CFAP299: variants seen among roughly 807,000 people sequenced by gnomAD.
The protein encoded by CFAP299 is cilia- and flagella-associated protein 299.
In CFAP299, 21 loss-of-function variants were observed where a neutral mutation model predicts 27.0. The observed-to-expected ratio is 0.78, with a 90% CI of 0.55 to 1.12. The LOEUF (loss-of-function observed/expected upper bound fraction) is 1.12. Among genes scored for constraint, CFAP299 ranks in the 50% most tolerant of loss-of-function variants. The pLI is 0.00. For synonymous variants in CFAP299, 104 were observed against 98.1 expected, an observed-to-expected ratio of 1.06 and a Z score of -0.36; for missense variants, 310 against 276.6, an observed-to-expected ratio of 1.12 and a Z score of -0.86.
intron 4 of CFAP299, among the ~76,000 whole-genome samples, chr4:80,875,355 T>C (rs1733315074): frequency 6.6e-6 from 1 of 152,194 alleles, no homozygotes; most frequent in Admixed American, 6.5e-5. Context: ...TGAAATTTTC[T>C]TTAAACTTAT....
chr4:80,772,375 C>G (rs1726269969), intron 3 of CFAP299, among the ~76,000 whole-genome samples: 2 of 152,068 alleles, frequency 1.3e-5, no homozygotes, highest in South Asian at 4.1e-4. Flanking sequence ...ATAGAGGACA[C>G]AGGAACATAA....
intron 3 of CFAP299, among the ~76,000 whole-genome samples, chr4:80,654,185 A>C (rs553046995): frequency 1.3e-5 from 2 of 152,258 alleles, no homozygotes; most frequent in African/African-American, 4.8e-5. Flanking sequence ...TACATTATTG[A>C]ATTCATGTTT....
chr4:80,959,017 G>A (rs570477166), intron 5 of CFAP299, among the ~76,000 whole-genome samples: 1 of 152,272 alleles, frequency 6.6e-6, no homozygotes, highest in Non-Finnish European at 1.5e-5. Flanking sequence ...ATTTTCAAAT[G>A]TGAGCAGTCT....
chr4:80,415,648 A>T (rs1211413046), intron 2 of CFAP299, among the ~76,000 whole-genome samples: 1 of 152,160 alleles, frequency 6.6e-6, no homozygotes, highest in Non-Finnish European at 1.5e-5. Context: ...ATTTGTTCCA[A>T]TTATTATAAT....
chr4:80,855,652 C>T (rs1035448163), intron 3 of CFAP299, among the ~76,000 whole-genome samples: 14 of 151,948 alleles, frequency 9.2e-5, no homozygotes, highest in African/African-American at 1.5e-4. Flanking sequence ...TGAGAATATG[C>T]GGTGTTTAGT....
intron 3 of CFAP299, among the ~76,000 whole-genome samples, chr4:80,614,149 A>G (rs1738149799): frequency 6.6e-6 from 1 of 152,128 alleles, no homozygotes; most frequent in East Asian, 1.9e-4. Context: ...TTTTCAAGTG[A>G]TATTTACTCC....
chr4:80,834,818 G>C (rs182210827), intron 3 of CFAP299, among the ~76,000 whole-genome samples: 67 of 152,250 alleles, frequency 4.4e-4, no homozygotes, highest in African/African-American at 1.5e-3. Flanking sequence ...CTTGGATGAA[G>C]GAGAGACTTG....
chr4:80,452,647 C>G (rs1438908110), intron 2 of CFAP299, among the ~76,000 whole-genome samples: 1 of 151,956 alleles, frequency 6.6e-6, no homozygotes, highest in African/African-American at 2.4e-5. Context: ...TCAAACCAAG[C>G]TGAATGAGAA....
chr4:80,956,134 T>C (rs1160779251), intron 5 of CFAP299, among the ~76,000 whole-genome samples: 1 of 152,230 alleles, frequency 6.6e-6, no homozygotes, highest in Non-Finnish European at 1.5e-5. Context: ...ACAAACAAGC[T>C]TCTGATTTTA....
rs529497399 is a variant in CFAP299 at position 80,585,813 on chromosome 4, T to C, written c.333+2630T>C. On this transcript the variant is annotated intron_variant, in intron 3 of 5. Transcript: ENST00000358105. ...AACAGTTCAGGCAATACATAATAGA[T>C]GCATAATAGAAGCCTGGGATAAATA... Among the ~76,000 whole-genome samples the C allele has an allele frequency of 1.1e-4, 17 of 152,194 alleles. No homozygotes were observed. The South Asian group carries it at 1.7e-3, about 15-fold the overall frequency.
chr4:80,545,396 A>G (rs965750478), intron 2 of CFAP299, among the ~76,000 whole-genome samples: 1 of 152,138 alleles, frequency 6.6e-6, no homozygotes, highest in African/African-American at 2.4e-5. Context: ...CATACAAAAG[A>G]TCAATGAAAC....
chr4:80,522,634 T>G (rs1732979721), intron 2 of CFAP299, among the ~76,000 whole-genome samples: 1 of 152,150 alleles, frequency 6.6e-6, no homozygotes, highest in African/African-American at 2.4e-5. Flanking sequence ...TAGTTTTAGA[T>G]CTTATGTTTG....
chr4:80,334,810 CTGAAA>C (rs1335445721), upstream of CFAP299, among the ~76,000 whole-genome samples: 1 of 152,106 alleles, frequency 6.6e-6, no homozygotes, highest in Non-Finnish European at 1.5e-5. Context: ...GGAAAGCTAA[CTGAAA>C]TGAAGTATCT....
At position 80,620,126 on chromosome 4, in the gene CFAP299, T is replaced by C. The variant is rs536248090; in HGVS notation, c.333+36943T>C. On this transcript the variant is annotated intron_variant, in intron 3 of 5. Coordinates refer to ENST00000358105, the MANE Select transcript of CFAP299 (RefSeq NM_152770.3). ...TAAATATTTTCATGAGTTAAATGTA[T>C]GGAAAGTGATGTGAAAATAATCCAT... Among the ~76,000 whole-genome samples the C allele has an allele frequency of 1.4e-4, 21 of 152,246 alleles. No homozygotes were observed. The South Asian group carries it at 2.5e-3, about 18-fold the overall frequency.
At position 80,512,221 on chromosome 4, in the gene CFAP299, A is replaced by AGTGTGTGTGT. The variant is rs3037370; in HGVS notation, c.243-70858_243-70849dup. Among the ~76,000 whole-genome samples, 564 of 148,584 alleles carry AGTGTGTGTGT rather than the reference A, an allele frequency of 3.8e-3. 5 individuals are homozygous for AGTGTGTGTGT. Among genetic ancestry groups the AGTGTGTGTGT allele is most frequent in the African/African-American group, 1.0e-2 (404 of 40,570 alleles). ...GTGATGGCAGGCACACATATTACAT[A>AGTGTGTGTGT]GTGTGTGTGTGTGTGTGTGTGTGCA... On this transcript the variant is annotated intron_variant, in intron 2 of 5. Transcript: ENST00000358105.
chr4:80,743,394 T>G (rs1724396384), intron 3 of CFAP299, among the ~76,000 whole-genome samples: 1 of 152,216 alleles, frequency 6.6e-6, no homozygotes, highest in South Asian at 2.1e-4. Context: ...TCAAATATGA[T>G]GTAACCACAT....
At chr4:80,854,842 A>G (rs13107075) in intron 3 of CFAP299, among the ~76,000 whole-genome samples, 10,463 of 135,394 alleles carry the variant, frequency 0.077, 934 homozygotes, top group Middle Eastern at 0.16. Flanking sequence ...AAAAAACAGA[A>G]AAGGAAAATT....
intron 3 of CFAP299, among the ~76,000 whole-genome samples, chr4:80,791,420 A>T (rs1178359539): frequency 1.3e-5 from 2 of 152,072 alleles, no homozygotes; most frequent in African/African-American, 4.8e-5. Flanking sequence ...GTGAAGATTA[A>T]ATGAGATAAT....
intron 2 of CFAP299, among the ~76,000 whole-genome samples, chr4:80,529,065 AT>A (rs1416097679): frequency 6.6e-6 from 1 of 152,116 alleles, no homozygotes; most frequent in African/African-American, 2.4e-5. Flanking sequence ...TCAGTCCATT[AT>A]CTGAAGCAAT....
Sources: gnomAD v4.1 joint callset for allele counts (sites outside exome capture counted in the v4.1 genomes callset) on GRCh38, gnomAD v4.1.1 for gene constraint, MANE v1.5 for transcripts, NCBI Gene and HGNC (gene_info 2026-07-23, HGNC 2026-07-21) for gene names.